The following CCDC69 variants were observed in gnomAD, a reference collection of about 807,000 sequenced individuals.
CCDC69 encodes coiled-coil domain-containing protein 69.
Under a neutral mutation model 40.3 loss-of-function variants are expected in CCDC69, and 38 were observed. The observed-to-expected ratio is 0.94, with a 90% CI of 0.73 to 1.24. CCDC69 has a LOEUF of 1.24. CCDC69 is among the 50% of genes most tolerant of loss of function. CCDC69 has a pLI of 0.00. For synonymous variants in CCDC69, 141 were observed against 138.9 expected (o/e 1.02, Z -0.11); for missense variants, 389 against 357.9 (o/e 1.09, Z -0.70).
chr5:151,195,114 T>C (rs2113989693), intron 4 of CCDC69, among the ~76,000 whole-genome samples: 1 of 152,322 alleles, frequency 6.6e-6, no homozygotes, highest in Non-Finnish European at 1.5e-5. Context: ...TGTGCTTTCA[T>C]TCATTCATTA....
rs767069578 is a variant in CCDC69 at position 151,213,111 on chromosome 5, T to G, written c.49-7636A>C. ...TAAAGAAATTATCTACTACATGGCA[T>G]GTAAAGACCACCAGCATTAATGGAA... On this transcript the variant is annotated intron_variant, in intron 1 of 8. Coordinates refer to ENST00000355417, the MANE Select transcript of CCDC69 (RefSeq NM_015621.3). Among the ~76,000 whole-genome samples, 6 of 152,350 alleles carry G rather than the reference T, an allele frequency of 3.9e-5. No homozygotes were observed. In the East Asian group the frequency reaches 9.6e-4, roughly 24 times the overall value.
Position 151,182,313 on chromosome 5 carries a change from C to A in CCDC69, c.*1124G>T, listed in dbSNP as rs12654727. 6.6e-6 allele frequency: 1 copy of A among 152,320 alleles called. No individual in the cohort carries two copies. Among genetic ancestry groups the A allele is most frequent in the Non-Finnish European group, 1.5e-5 (1 of 68,258 alleles). The allele number at this position is 152,320 out of a possible 1,614,324, so 9.4% of individuals were successfully genotyped here. ...AAATCCACAGACTATCAGGACTGGA[C>A]GGCCTGCTGAGGTTAGTTACTCTAG... is the stretch of plus-strand genomic sequence containing the variant. On this transcript the variant is annotated 3_prime_UTR_variant, in exon 9 of 9. Coordinates refer to ENST00000355417, the MANE Select transcript of CCDC69 (RefSeq NM_015621.3).
At chr5:151,192,446 C>A (rs201289027) in intron 4 of CCDC69, among the ~76,000 whole-genome samples, 45 of 144,276 alleles carry the variant, frequency 3.1e-4, no homozygotes, top group Middle Eastern at 3.5e-3. Context: ...AACAATTCTT[C>A]AAAAAAAAAA....
chr5:151,183,608 C>T lies in CCDC69; in HGVS notation c.720G>A (p.Leu240=), dbSNP rs752699295. Residue 240 remains leucine, a synonymous_variant, in exon 9 of 9, where the codon CTG becomes CTA. Coordinates refer to ENST00000355417, the MANE Select transcript of CCDC69 (RefSeq NM_015621.3). ...SRNQVVLSRQ[L]SEDLLLTREA... is the part of the protein sequence containing the mutation. ...CACGCGTGAGAAGCAGGTCTTCTGA[C>T]AGCTGCCTGTGGATGCACACAGAGC... 9.9e-6 allele frequency: 16 copies of T among 1,608,076 alleles called. No individual in the cohort carries two copies. Among genetic ancestry groups the T allele is most frequent in the Non-Finnish European group, 1.4e-5 (16 of 1,177,090 alleles).
chr5:151,206,565 A>T (rs769710377), intron 1 of CCDC69, among the ~76,000 whole-genome samples: 2 of 152,244 alleles, frequency 1.3e-5, no homozygotes, highest in South Asian at 2.1e-4. Context: ...TTTTTAAAAA[A>T]TTTAATTAAT....
At chr5:151,217,945 A>T (rs1018185642) in intron 1 of CCDC69, among the ~76,000 whole-genome samples, 6 of 152,130 alleles carry the variant, frequency 3.9e-5, no homozygotes, top group African/African-American at 1.4e-4. Flanking sequence ...ATGGGGCAGT[A>T]GAAAATGGCG....
intron 4 of CCDC69, among the ~76,000 whole-genome samples, chr5:151,194,510 G>T (rs1462649782): frequency 6.6e-6 from 1 of 152,202 alleles, no homozygotes; most frequent in African/African-American, 2.4e-5. Flanking sequence ...GGTTAGGGTG[G>T]GAGAAGGATG....
chr5:151,190,159 A>G (rs1466020908), intron 4 of CCDC69, among the ~76,000 whole-genome samples: 1 of 152,236 alleles, frequency 6.6e-6, no homozygotes, highest in African/African-American at 2.4e-5. Context: ...GAAGAGTAAC[A>G]GAACTGGTAA....
rs919295062 is a variant in CCDC69 at position 151,223,622 on chromosome 5, C to G, written c.48+301G>C. Among the ~76,000 whole-genome samples, 11 of 152,322 alleles carry G rather than the reference C, an allele frequency of 7.2e-5. No individual in the cohort carries two copies. The South Asian group carries it at 1.9e-3, about 26-fold the overall frequency. On this transcript the variant is annotated intron_variant, in intron 1 of 8. Coordinates refer to ENST00000355417, the MANE Select transcript of CCDC69 (RefSeq NM_015621.3). ...TGGCCACACAGCGAACAGCCCCAGA[C>G]CGAAAGCAGAGGGCACCTGCCACAG...
intron 1 of CCDC69, among the ~76,000 whole-genome samples, chr5:151,217,246 C>A (rs558130984): frequency 6.6e-6 from 1 of 152,162 alleles, no homozygotes; most frequent in East Asian, 1.9e-4. Flanking sequence ...GACTCCCAGT[C>A]CAGTGCTCTT....
chr5:151,185,280 G>T, intron 7 of CCDC69, 142 bp downstream of exon 7: 1 of 858,778 alleles, frequency 1.2e-6, no homozygotes, highest in South Asian at 1.6e-5. Flanking sequence ...ATGCTCAGTG[G>T]TCAGCACAGG....
At chr5:151,193,163 C>T (rs1206860075) in intron 4 of CCDC69, among the ~76,000 whole-genome samples, 3 of 151,824 alleles carry the variant, frequency 2.0e-5, no homozygotes, top group Non-Finnish European at 4.4e-5. Context: ...CCATGGATAC[C>T]TAGGGATAAC....
At chr5:151,185,962 G>T in intron 6 of CCDC69, 61 bp downstream of exon 6, 2 of 1,139,790 alleles carry the variant, frequency 1.8e-6, no homozygotes, top group Non-Finnish European at 2.7e-6. Context: ...CTTTCCTGTT[G>T]CCCGGCCCTG....
chr5:151,199,763 T>C (rs1752751931), intron 3 of CCDC69, among the ~76,000 whole-genome samples: 1 of 152,140 alleles, frequency 6.6e-6, no homozygotes, highest in Non-Finnish European at 1.5e-5. Flanking sequence ...CTTACAAGTC[T>C]CAAGGTTAAG....
At chr5:151,195,071 A>G (rs248448) in intron 4 of CCDC69, among the ~76,000 whole-genome samples, 134,039 of 151,998 alleles carry the variant, frequency 0.88, 59,377 homozygotes, top group Admixed American at 0.93. Context: ...ACCTCTCCCC[A>G]TACATATAAA....
At chr5:151,184,607 T>A (rs1282739435) in intron 7 of CCDC69, 166 bp from the exon 8 acceptor site, 1 of 552,108 alleles carries the variant, frequency 1.8e-6, no homozygotes, top group Non-Finnish European at 3.2e-6. Context: ...AACTAAAAAG[T>A]TAACAAAGGG....
chr5:151,208,685 G>C (rs1218963950), intron 1 of CCDC69, among the ~76,000 whole-genome samples: 1 of 152,270 alleles, frequency 6.6e-6, no homozygotes, highest in Non-Finnish European at 1.5e-5. Flanking sequence ...CCCACCCTGG[G>C]CTGGAGGAAG....
chr5:151,215,912 A>G (rs1326003114), intron 1 of CCDC69, among the ~76,000 whole-genome samples: 1 of 152,240 alleles, frequency 6.6e-6, no homozygotes, highest in Admixed American at 6.5e-5. Flanking sequence ...CATATGTTTA[A>G]GAGAGTGAAG....
intron 6 of CCDC69, 72 bp downstream of exon 6, chr5:151,185,951 T>C: frequency 1.0e-6 from 1 of 985,348 alleles, no homozygotes; most frequent in Non-Finnish European, 1.6e-6. Context: ...GAGGGGCTGG[T>C]CTTTCCTGTT....
Sources: gnomAD v4.1 joint callset for allele counts (sites outside exome capture counted in the v4.1 genomes callset) on GRCh38, gnomAD v4.1.1 for gene constraint, MANE v1.5 for transcripts, NCBI Gene and HGNC (gene_info 2026-07-23, HGNC 2026-07-21) for gene names.